The following TET3 variants were observed in gnomAD, a reference collection of about 807,000 sequenced individuals.
TET3 encodes the protein tet methylcytosine dioxygenase 3.
TET3 carries 19 observed loss-of-function variants against 141.4 expected under a neutral mutation model. The observed-to-expected ratio is 0.13, with a 90% CI of 0.09 to 0.20. The LOEUF is 0.20. Ranked by LOEUF, TET3 falls within the 10% of genes least tolerant of loss-of-function variation. TET3 has a pLI of 1.00. For synonymous variants in TET3, 1,043 were observed against 980.9 expected, an observed-to-expected ratio of 1.06 and a Z score of -1.18; for missense variants, 1,874 against 2,356.9, an observed-to-expected ratio of 0.80 and a Z score of 4.24.
intron 3 of TET3, among the ~76,000 whole-genome samples, chr2:74,025,275 A>G (rs960825300): frequency 2.7e-5 from 4 of 150,534 alleles, no homozygotes; most frequent in African/African-American, 7.3e-5. Context: ...TTACTACTAA[A>G]TAGTCAAATG....
At chr2:74,090,379 T>C (rs781441920) in intron 8 of TET3, among the ~76,000 whole-genome samples, 1 of 152,240 alleles carries the variant, frequency 6.6e-6, no homozygotes, top group Non-Finnish European at 1.5e-5. Context: ...CCCCCCCATC[T>C]TCCCAGGACA....
At chr2:73,985,806 C>T (rs1255820141) in intron 1 of TET3, among the ~76,000 whole-genome samples, 174 bp from the exon 2 acceptor site, 1 of 151,702 alleles carries the variant, frequency 6.6e-6, no homozygotes. Flanking sequence ...GAGGCCGCCT[C>T]CCTCAGACAG....
chr2:74,033,181 C>T (rs1686847987), intron 3 of TET3, among the ~76,000 whole-genome samples: 1 of 152,064 alleles, frequency 6.6e-6, no homozygotes, highest in Non-Finnish European at 1.5e-5. Flanking sequence ...AATCTTTTTC[C>T]CCTAAATAAA....
chr2:73,995,818 A>G (rs1299768302), intron 2 of TET3, among the ~76,000 whole-genome samples: 1 of 152,136 alleles, frequency 6.6e-6, no homozygotes, highest in East Asian at 1.9e-4. Flanking sequence ...GGCAGCTCTC[A>G]GGGTTTGAGA....
chr2:74,003,299 G>C, intron 3 of TET3, 133 bp downstream of exon 3: 2 of 1,203,020 alleles, frequency 1.7e-6, no homozygotes, highest in Non-Finnish European at 2.3e-6. Flanking sequence ...CAGCAGCTGA[G>C]GGGGAGGGGC....
chr2:74,117,370 C>A, the TET3 span, among the ~76,000 whole-genome samples: 1 of 151,722 alleles, frequency 6.6e-6, no homozygotes, highest in African/African-American at 2.4e-5. Flanking sequence ...AGCCACCATG[C>A]CCGGCCTATT....
At chr2:73,994,487 G>A (rs987728430) in intron 2 of TET3, among the ~76,000 whole-genome samples, 5 of 152,206 alleles carry the variant, frequency 3.3e-5, no homozygotes, top group South Asian at 2.1e-4. Flanking sequence ...GTGCCTGCAC[G>A]AGTCTGGGTG....
At chr2:74,021,865 A>C (rs1352942760) in intron 3 of TET3, among the ~76,000 whole-genome samples, 1 of 152,248 alleles carries the variant, frequency 6.6e-6, no homozygotes, top group African/African-American at 2.4e-5. Flanking sequence ...TGGTTTGTGA[A>C]AAGGCCAGGT....
rs1017335538 is a variant in TET3, at chr2:74,104,949, G to T, written c.*2773G>T. On this transcript the variant is annotated 3_prime_UTR_variant, in exon 12 of 12. Transcript: ENST00000409262. ...GCCGTGCTCAAGCCCATGCTGATTT[G>T]TACACTACATGTCTAACCTACCTCA... The T allele has an allele frequency of 1.0e-5, 4 of 384,332 alleles. No homozygotes were observed. Among genetic ancestry groups the T allele is most frequent in the African/African-American group, 8.3e-5 (4 of 48,342 alleles). 23.8% of individuals were successfully genotyped at this position (384,332 alleles called of 1,614,324 possible).
chr2:74,128,694 A>G, the TET3 span, among the ~76,000 whole-genome samples: 2 of 150,622 alleles, frequency 1.3e-5, no homozygotes, highest in African/African-American at 2.5e-5. Flanking sequence ...AATAAAGACT[A>G]TTAGAAAAAA....
At chr2:74,110,676 C>T (rs1558808560), downstream of TET3, among the ~76,000 whole-genome samples, 1 of 152,184 alleles carries the variant, frequency 6.6e-6, no homozygotes, top group Non-Finnish European at 1.5e-5. Context: ...CTGCTTTCCT[C>T]TACTGAGAAG....
chr2:74,021,359 T>C (rs188672753), intron 3 of TET3, among the ~76,000 whole-genome samples: 6 of 152,364 alleles, frequency 3.9e-5, no homozygotes, highest in Admixed American at 2.6e-4. Flanking sequence ...GAGGCCACGA[T>C]GCAGGGCTGC....
At chr2:74,118,419 A>C in the TET3 span, among the ~76,000 whole-genome samples, 3 of 152,262 alleles carry the variant, frequency 2.0e-5, no homozygotes, top group East Asian at 5.8e-4. Context: ...AACTTACAGT[A>C]TCAGTAAGCA....
At chr2:73,994,027 G>A (rs912158603) in intron 2 of TET3, among the ~76,000 whole-genome samples, 2 of 152,142 alleles carry the variant, frequency 1.3e-5, no homozygotes, top group Non-Finnish European at 1.5e-5. Context: ...CAGTTATTAC[G>A]TTGCATGATA....
chr2:74,105,475 G>A lies in TET3; in HGVS notation c.*3299G>A. On this transcript the variant is annotated 3_prime_UTR_variant, in exon 12 of 12. Coordinates refer to ENST00000409262, the MANE Select transcript of TET3 (RefSeq NM_001287491.2). ...CTGACCATCAGAAATCTTGACTAAAGGTGTTGCATGGATTTGGGGGTCTTT... is the reference window on the plus strand; with the variant it reads ...CTGACCATCAGAAATCTTGACTAAAAGTGTTGCATGGATTTGGGGGTCTTT... The A allele has an allele frequency of 2.5e-6, 1 of 398,132 alleles. No individual in the cohort carries two copies. The highest frequency in any genetic ancestry group is 4.4e-6 in the Non-Finnish European group (1 of 226,066). The allele number at this position is 398,132 out of a possible 1,614,324, so 24.7% of individuals were successfully genotyped here.
Position 74,080,578 on chromosome 2 carries a change from C to A in TET3, c.2666C>A (p.Pro889His). 1 of 1,611,608 alleles carries A rather than the reference C, an allele frequency of 6.2e-7. No individual in the cohort carries two copies. Among genetic ancestry groups the A allele is most frequent in the East Asian group, 2.2e-5 (1 of 44,772 alleles). Reference protein sequence around the residue: ...GKEGKSSRGCPIAKWVIRRHT... With the variant: ...GKEGKSSRGCHIAKWVIRRHT... ...GAGGGAAAGAGCTCCCGCGGTTGCC[C>A]CATTGCAAAGTGGGTGAGTGTTGAG... The change falls in exon 6 of 12, where the codon CCC becomes CAC. Residue 889 changes from proline to histidine, a missense_variant. This residue lies in a region of TET3 where 126 missense variants were observed against 327.4 expected (regional missense o/e 0.38). Transcript: ENST00000409262.
At chr2:73,989,547 G>C (rs895480323) in intron 2 of TET3, among the ~76,000 whole-genome samples, 1 of 152,166 alleles carries the variant, frequency 6.6e-6, no homozygotes, top group African/African-American at 2.4e-5. Flanking sequence ...TGTCGGTGGG[G>C]AGAAGGGTGC....
intron 4 of TET3, among the ~76,000 whole-genome samples, chr2:74,070,434 TG>T (rs894717150): frequency 8.5e-5 from 13 of 152,190 alleles, no homozygotes; most frequent in African/African-American, 3.1e-4. Context: ...TATCTCTCAC[TG>T]GGTCCCTCCC....
chr2:74,122,334 A>G, the TET3 span: 1 of 151,526 alleles, frequency 6.6e-6, no homozygotes, highest in Non-Finnish European at 1.5e-5. Context: ...CAAAAACCCA[A>G]TCCAAAATCC....
Sources: gnomAD v4.1 joint callset for allele counts (sites outside exome capture counted in the v4.1 genomes callset) on GRCh38, gnomAD v4.1.1 for gene constraint, gnomAD v4.1.1 regional missense constraint, MANE v1.5 for transcripts, NCBI Gene and HGNC (gene_info 2026-07-23, HGNC 2026-07-21) for gene names.